The following CPNE4 variants were observed in gnomAD, a reference collection of about 807,000 sequenced individuals.
CPNE4 encodes copine 4, also known as copine-4.
Under a neutral mutation model 67.9 loss-of-function variants are expected in CPNE4, and 25 were observed. The ratio of observed to expected loss-of-function variants is 0.37; its 90% confidence interval spans 0.27 to 0.51. The LOEUF (loss-of-function observed/expected upper bound fraction) is 0.51. CPNE4 is among the 20% of genes least tolerant of loss of function. The pLI is 0.93. For synonymous variants in CPNE4, 242 were observed against 244.9 expected, an observed-to-expected ratio of 0.99 and a Z score of 0.11; for missense variants, 464 against 690.8, an observed-to-expected ratio of 0.67 and a Z score of 3.68.
At chr3:131,955,772 C>A (rs1262828526) in intron 1 of CPNE4, among the ~76,000 whole-genome samples, 2 of 152,266 alleles carry the variant, frequency 1.3e-5, no homozygotes, top group African/African-American at 2.4e-5. Context: ...TGTCTCTGAA[C>A]TTGTACGGAA....
intron 12 of CPNE4, among the ~76,000 whole-genome samples, chr3:131,552,760 AG>A (rs1326341252): frequency 1.3e-5 from 2 of 152,100 alleles, no homozygotes; most frequent in Non-Finnish European, 2.9e-5. Context: ...AAAAAATCCA[AG>A]AAAAGATTTC....
At chr3:131,862,713 A>T (rs956220809) in intron 2 of CPNE4, among the ~76,000 whole-genome samples, 1 of 128,564 alleles carries the variant, frequency 7.8e-6, no homozygotes, top group Non-Finnish European at 1.8e-5. Flanking sequence ...ATATATATAT[A>T]TATTTTTATT....
At chr3:131,787,023 C>T (rs888999792) in intron 2 of CPNE4, among the ~76,000 whole-genome samples, 2 of 152,160 alleles carry the variant, frequency 1.3e-5, no homozygotes, top group Non-Finnish European at 2.9e-5. Flanking sequence ...TCGACTTGAA[C>T]TTCTGCCTCT....
intron 2 of CPNE4, among the ~76,000 whole-genome samples, chr3:131,890,439 A>C (rs1350768752): frequency 6.6e-6 from 1 of 151,878 alleles, no homozygotes; most frequent in Non-Finnish European, 1.5e-5. Context: ...TTTAGAAAAA[A>C]AAAACCTACC....
At chr3:131,953,149 C>T (rs866804012) in intron 1 of CPNE4, among the ~76,000 whole-genome samples, 24 of 149,522 alleles carry the variant, frequency 1.6e-4, no homozygotes, top group African/African-American at 5.2e-4. Context: ...GAGACCTTTG[C>T]TCACTTGTTA....
At chr3:131,538,346 C>T (rs1177866585) in intron 15 of CPNE4, among the ~76,000 whole-genome samples, 3 of 152,178 alleles carry the variant, frequency 2.0e-5, no homozygotes, top group Non-Finnish European at 4.4e-5. Flanking sequence ...TTAGTGGCTA[C>T]CATATTGGAC....
At chr3:131,572,595 G>A (rs1937393531) in intron 10 of CPNE4, among the ~76,000 whole-genome samples, 1 of 152,020 alleles carries the variant, frequency 6.6e-6, no homozygotes, top group Admixed American at 6.6e-5. Context: ...AGAAGGGAGA[G>A]TGGAGAAGGA....
At chr3:131,550,456 A>G (rs1936110173) in intron 13 of CPNE4, among the ~76,000 whole-genome samples, 1 of 152,134 alleles carries the variant, frequency 6.6e-6, no homozygotes, top group Non-Finnish European at 1.5e-5. Context: ...AAGTGTGTTC[A>G]AGACTCAGGA....
chr3:131,581,123 A>C (rs1403067138), intron 9 of CPNE4, among the ~76,000 whole-genome samples: 1 of 152,198 alleles, frequency 6.6e-6, no homozygotes, highest in Non-Finnish European at 1.5e-5. Flanking sequence ...CAGTGAGCCG[A>C]TATCGCACCA....
chr3:131,612,643 T>C (rs1291009227), intron 7 of CPNE4, among the ~76,000 whole-genome samples: 1 of 152,174 alleles, frequency 6.6e-6, no homozygotes, highest in Non-Finnish European at 1.5e-5. Context: ...CATCCCCCGA[T>C]TACTCCCTCT....
chr3:131,742,669 A>G (rs905303014), intron 2 of CPNE4, among the ~76,000 whole-genome samples: 2 of 152,202 alleles, frequency 1.3e-5, no homozygotes, highest in African/African-American at 4.8e-5. Context: ...AACCAGACAC[A>G]TCCTCTGAAC....
intron 2 of CPNE4, among the ~76,000 whole-genome samples, chr3:131,901,855 T>C (rs376422625): frequency 0.2 from 30,962 of 151,946 alleles, 3,836 homozygotes; most frequent in Non-Finnish European, 0.27. Flanking sequence ...GTCTGTGGTG[T>C]AAATACTCCC....
In CPNE4 at chr3:131,792,697, A is replaced by ACGTGTGTATATATG. The variant is rs1474463447; in HGVS notation, c.181-69073_181-69072insCATATATACACACG. On this transcript the variant is annotated intron_variant, in intron 2 of 15. Transcript: ENST00000429747. ...CATATATACACACGTGTATATATAC[A>ACGTGTGTATATATG]TATACACACACGTGTATATATGTAT... Among the ~76,000 whole-genome samples the ACGTGTGTATATATG allele has an allele frequency of 6.7e-4, 52 of 77,272 alleles. 4 individuals are homozygous for ACGTGTGTATATATG. Among genetic ancestry groups the ACGTGTGTATATATG allele is most frequent in the African/African-American group, 2.9e-3 (47 of 16,078 alleles). 50.7% of individuals were successfully genotyped at this position (77,272 alleles called of 152,430 possible).
chr3:131,982,950 C>T (rs1463785902), intron 1 of CPNE4, among the ~76,000 whole-genome samples: 1 of 151,790 alleles, frequency 6.6e-6, no homozygotes, highest in Non-Finnish European at 1.5e-5. Flanking sequence ...TTGACATGAG[C>T]AAACAAAATC....
chr3:131,953,041 C>T (rs907185787), intron 1 of CPNE4, among the ~76,000 whole-genome samples: 8 of 151,994 alleles, frequency 5.3e-5, no homozygotes, highest in South Asian at 2.1e-4. Context: ...TGCTTGAAGG[C>T]AGCATGCTCG....
chr3:131,715,450 A>G (rs935514020), intron 3 of CPNE4, among the ~76,000 whole-genome samples: 27 of 152,256 alleles, frequency 1.8e-4, no homozygotes, highest in African/African-American at 6.5e-4. Flanking sequence ...AGCTATTAGA[A>G]TAGATGGAAA....
At chr3:131,951,540 CCA>C (rs1264815333) in intron 1 of CPNE4, among the ~76,000 whole-genome samples, 1 of 152,034 alleles carries the variant, frequency 6.6e-6, no homozygotes, top group African/African-American at 2.4e-5. Flanking sequence ...CACCCTCTCC[CCA>C]CAGTCTCCCT....
intron 1 of CPNE4, among the ~76,000 whole-genome samples, chr3:131,919,913 G>A (rs1189127118): frequency 1.3e-5 from 2 of 152,104 alleles, no homozygotes; most frequent in Admixed American, 1.3e-4. Flanking sequence ...AGCAGTAATA[G>A]AGATAAGGCA....
intron 1 of CPNE4, among the ~76,000 whole-genome samples, chr3:131,981,038 T>C (rs567932597): frequency 6.6e-6 from 1 of 152,282 alleles, no homozygotes; most frequent in East Asian, 1.9e-4. Flanking sequence ...AGTTTTGTGA[T>C]GTGAACCGTC....
Sources: gnomAD v4.1 joint callset for allele counts (sites outside exome capture counted in the v4.1 genomes callset) on GRCh38, gnomAD v4.1.1 for gene constraint, MANE v1.5 for transcripts, NCBI Gene and HGNC (gene_info 2026-07-23, HGNC 2026-07-21) for gene names.